PRDM5: variants seen among roughly 807,000 people sequenced by gnomAD.
PRDM5 encodes PR/SET domain 5.
In PRDM5, 56 loss-of-function variants were observed where a neutral mutation model predicts 81.2. The observed-to-expected ratio is 0.69, with a 90% CI of 0.56 to 0.86. The LOEUF is 0.86. Among genes scored for constraint, PRDM5 ranks in the 40% least tolerant of loss-of-function variants. PRDM5 has a pLI of 0.00. For missense variants in PRDM5, 697 were observed against 770.1 expected, an observed-to-expected ratio of 0.91 and a Z score of 1.12; for synonymous variants, 267 against 256.4, an observed-to-expected ratio of 1.04 and a Z score of -0.39.
chr4:120,688,035 A>AT (rs968888967), downstream of PRDM5, among the ~76,000 whole-genome samples: 2 of 152,084 alleles, frequency 1.3e-5, no homozygotes, highest in Admixed American at 6.6e-5. Context: ...CGGTCTTTTT[A>AT]TTTTTTTCAG....
intron 2 of PRDM5, among the ~76,000 whole-genome samples, chr4:120,886,296 T>A (rs994981459): frequency 2.6e-5 from 4 of 152,124 alleles, no homozygotes; most frequent in African/African-American, 9.7e-5. Flanking sequence ...CCATAAACAA[T>A]AAAGAAAACA....
intron 2 of PRDM5, among the ~76,000 whole-genome samples, chr4:120,873,693 G>A (rs1157335502): frequency 2.0e-5 from 3 of 151,990 alleles, no homozygotes; most frequent in Admixed American, 1.3e-4. Context: ...ACAATATGTC[G>A]GTTATTTCAT....
chr4:120,881,588 C>G (rs1396655371), intron 2 of PRDM5, among the ~76,000 whole-genome samples: 1 of 152,138 alleles, frequency 6.6e-6, no homozygotes, highest in Non-Finnish European at 1.5e-5. Context: ...GCACCATTCT[C>G]TATGAGAAAA....
intron 10 of PRDM5, among the ~76,000 whole-genome samples, chr4:120,791,121 G>A (rs750040177): frequency 6.6e-6 from 1 of 152,170 alleles, no homozygotes; most frequent in African/African-American, 2.4e-5. Context: ...CTTTTCAGAA[G>A]GCAGTGGGTA....
chr4:120,816,604 A>T, intron 6 of PRDM5, 30 bp from the exon 7 acceptor site: 1 of 1,613,800 alleles, frequency 6.2e-7, no homozygotes, highest in South Asian at 1.1e-5. Flanking sequence ...GCGGAACAGG[A>T]AGAAATGGTG....
intron 10 of PRDM5, among the ~76,000 whole-genome samples, chr4:120,796,972 A>G (rs1511308): frequency 0.2 from 30,262 of 152,154 alleles, 3,658 homozygotes; most frequent in Non-Finnish European, 0.28. Flanking sequence ...AAATGTTTTT[A>G]CATGCATTTC....
rs574804636 is a variant in PRDM5 at position 120,909,591 on chromosome 4, T to C, written c.94-2034A>G. Among the ~76,000 whole-genome samples, 5 of 150,686 alleles carry C rather than the reference T, an allele frequency of 3.3e-5. No homozygotes were observed. The South Asian group carries it at 1.1e-3, about 32-fold the overall frequency. Reference sequence around the variant, plus strand: ...AAAGTAACTGATCTATCCAAACCAATCAGTTCCTCTTTGCAGTACAAATTT... The same window carrying C: ...AAAGTAACTGATCTATCCAAACCAACCAGTTCCTCTTTGCAGTACAAATTT... On this transcript the variant is annotated intron_variant, in intron 1 of 15. Coordinates refer to ENST00000264808, the MANE Select transcript of PRDM5 (RefSeq NM_018699.4).
chr4:120,710,477 A>C, intron 14 of PRDM5, 64 bp from the exon 15 acceptor site: 1 of 1,296,170 alleles, frequency 7.7e-7, no homozygotes, highest in Non-Finnish European at 1.1e-6. Flanking sequence ...AGTCCTCCAT[A>C]TTCAGGTGTG....
At chr4:120,831,288 T>G (rs1263123530) in intron 3 of PRDM5, among the ~76,000 whole-genome samples, 1 of 152,018 alleles carries the variant, frequency 6.6e-6, no homozygotes, top group Non-Finnish European at 1.5e-5. Flanking sequence ...TAACTGACAC[T>G]CTGCATACCA....
At chr4:120,796,820 T>C (rs908472154) in intron 10 of PRDM5, among the ~76,000 whole-genome samples, 3 of 152,174 alleles carry the variant, frequency 2.0e-5, no homozygotes, top group Non-Finnish European at 4.4e-5. Context: ...TTTGGAAGTA[T>C]CCCATAAATA....
intron 2 of PRDM5, among the ~76,000 whole-genome samples, chr4:120,863,599 A>C (rs1760882939): frequency 1.3e-5 from 2 of 152,178 alleles, no homozygotes; most frequent in Admixed American, 1.3e-4. Flanking sequence ...AATTCAACCA[A>C]AGCATTTAAA....
intron 15 of PRDM5, among the ~76,000 whole-genome samples, chr4:120,706,085 C>CTTT (rs5861484): frequency 2.8e-5 from 4 of 143,292 alleles, no homozygotes; most frequent in African/African-American, 5.2e-5. Flanking sequence ...GATCCTAGAT[C>CTTT]TTTTTTTTTT....
intron 2 of PRDM5, among the ~76,000 whole-genome samples, chr4:120,878,360 C>T (rs550983049): frequency 6.6e-6 from 1 of 152,298 alleles, no homozygotes; most frequent in South Asian, 2.1e-4. Flanking sequence ...AATGTTCACA[C>T]ACAAAATACA....
At chr4:120,751,960 G>A (rs959313732) in intron 14 of PRDM5, among the ~76,000 whole-genome samples, 5 of 152,044 alleles carry the variant, frequency 3.3e-5, no homozygotes, top group South Asian at 2.1e-4. Context: ...TTTAAAATAG[G>A]ACCAAAAATG....
At chr4:120,852,580 AAACTG>A (rs1759392874) in intron 3 of PRDM5, among the ~76,000 whole-genome samples, 1 of 152,066 alleles carries the variant, frequency 6.6e-6, no homozygotes, top group Non-Finnish European at 1.5e-5. Context: ...CATTAGACTT[AAACTG>A]GTACATCAGC....
intron 3 of PRDM5, among the ~76,000 whole-genome samples, chr4:120,848,537 TCATA>T (rs1295400023): frequency 6.6e-6 from 1 of 152,204 alleles, no homozygotes; most frequent in Non-Finnish European, 1.5e-5. Context: ...AATATCTTTC[TCATA>T]CAGTCACAGT....
At position 120,830,652 on chromosome 4, in the gene PRDM5, T is replaced by C. The variant is rs1839475; in HGVS notation, c.301-9307A>G. Among the ~76,000 whole-genome samples the C allele has an allele frequency of 7.7e-3, 1,176 of 152,134 alleles. 14 individuals are homozygous for C. The highest frequency in any genetic ancestry group is 0.027 in the African/African-American group (1,113 of 41,510). Reference sequence around the variant, plus strand: ...ATAATGTGAGGCAGAAAATGACAGATGTATTCAAAACAAAGAACAGGGCAG... The same window carrying C: ...ATAATGTGAGGCAGAAAATGACAGACGTATTCAAAACAAAGAACAGGGCAG... On this transcript the variant is annotated intron_variant, in intron 3 of 15. Coordinates refer to ENST00000264808, the MANE Select transcript of PRDM5 (RefSeq NM_018699.4).
At chr4:120,871,170 C>A (rs753504299) in intron 2 of PRDM5, among the ~76,000 whole-genome samples, 5 of 152,206 alleles carry the variant, frequency 3.3e-5, no homozygotes, top group Non-Finnish European at 7.3e-5. Context: ...TAGAAACACA[C>A]TTCTCTCTAG....
At chr4:120,725,004 G>A (rs1243787584) in intron 14 of PRDM5, among the ~76,000 whole-genome samples, 1 of 152,198 alleles carries the variant, frequency 6.6e-6, no homozygotes, top group East Asian at 1.9e-4. Context: ...ATTTGCACAG[G>A]TGAGGATTCT....
Sources: gnomAD v4.1 joint callset for allele counts (sites outside exome capture counted in the v4.1 genomes callset) on GRCh38, gnomAD v4.1.1 for gene constraint, MANE v1.5 for transcripts, NCBI Gene and HGNC (gene_info 2026-07-23, HGNC 2026-07-21) for gene names.